RORA: variants seen among roughly 807,000 people sequenced by gnomAD.
RORA encodes nuclear receptor ROR-alpha.
RORA carries 7 observed loss-of-function variants against 69.5 expected under a neutral mutation model. The observed-to-expected ratio is 0.10, with a 90% confidence interval of 0.06 to 0.19. The LOEUF (loss-of-function observed/expected upper bound fraction) is 0.19. Among genes scored for constraint, RORA ranks in the 10% least tolerant of loss-of-function variants. The pLI is 1.00. For synonymous variants in RORA, 261 were observed against 240.8 expected (o/e 1.08, Z -0.78); for missense variants, 457 against 663.0 (o/e 0.69, Z 3.41).
intron 1 of RORA, among the ~76,000 whole-genome samples, chr15:61,075,872 T>C (rs1595953953): frequency 6.6e-6 from 1 of 152,226 alleles, no homozygotes; most frequent in East Asian, 1.9e-4. Context: ...AACTGTCCCA[T>C]ATCACACCCT....
rs1417352897 is a variant in RORA at position 60,495,040 on chromosome 15, A to G, written c.*2415T>C. The G allele has an allele frequency of 6.6e-6, 1 of 152,220 alleles. No individual in the cohort carries two copies. The highest frequency in any genetic ancestry group is 1.5e-5 in the Non-Finnish European group (1 of 68,040). 9.4% of individuals were successfully genotyped at this position (152,220 alleles called of 1,614,324 possible). On this transcript the variant is annotated 3_prime_UTR_variant, in exon 11 of 11. Coordinates refer to ENST00000335670, the MANE Select transcript of RORA (RefSeq NM_134261.3). The stretch of plus-strand genomic sequence containing the variant: ...GCTTTGGTTAAAAAGAAGTTAATAT[A>G]CTTTAATAAAACCATCCCCAAATTT...
At chr15:60,618,598 C>A (rs2069318227) in intron 2 of RORA, among the ~76,000 whole-genome samples, 1 of 152,098 alleles carries the variant, frequency 6.6e-6, no homozygotes, top group South Asian at 2.1e-4. Context: ...TATTTATTCT[C>A]CAGGAGCTTT....
chr15:60,504,312 C>G (rs971170939), intron 6 of RORA, among the ~76,000 whole-genome samples: 2 of 151,416 alleles, frequency 1.3e-5, no homozygotes, highest in African/African-American at 4.9e-5. Context: ...TTTGGGAGGC[C>G]GAGGCAGGGG....
At chr15:60,935,399 T>C (rs1042073276) in intron 1 of RORA, among the ~76,000 whole-genome samples, 22 of 152,226 alleles carry the variant, frequency 1.4e-4, no homozygotes, top group African/African-American at 5.1e-4. Context: ...AAATGGACTG[T>C]TCAAACCCAC....
intron 2 of RORA, among the ~76,000 whole-genome samples, chr15:60,632,953 G>C (rs992435012): frequency 1.6e-4 from 25 of 151,792 alleles, no homozygotes; most frequent in African/African-American, 6.1e-4. Flanking sequence ...ATCAAAAAAG[G>C]GTGTTTAAAA....
At chr15:60,789,188 G>C (rs996191392) in intron 1 of RORA, among the ~76,000 whole-genome samples, 4 of 152,178 alleles carry the variant, frequency 2.6e-5, no homozygotes, top group Admixed American at 6.5e-5. Flanking sequence ...AAACAGAGGA[G>C]CCAGCTGAGG....
At chr15:60,679,002 T>C (rs1212930193) in intron 1 of RORA, among the ~76,000 whole-genome samples, 1 of 152,120 alleles carries the variant, frequency 6.6e-6, no homozygotes, top group African/African-American at 2.4e-5. Context: ...GAGACAATCA[T>C]GTTTATAGGC....
chr15:60,983,273 T>C (rs748645654), intron 1 of RORA, among the ~76,000 whole-genome samples: 2 of 152,186 alleles, frequency 1.3e-5, no homozygotes, highest in African/African-American at 2.4e-5. Flanking sequence ...ACTAACAAAA[T>C]AGACTCTTTG....
rs117282423 is a variant in RORA, at chr15:60,940,680, C to G, written c.167-261994G>C. Among the ~76,000 whole-genome samples, 572 of 152,290 alleles carry G rather than the reference C, an allele frequency of 3.8e-3. 5 individuals are homozygous for G. Among genetic ancestry groups the G allele is most frequent in the Non-Finnish European group, 5.9e-3 (402 of 68,018 alleles). ...TATTGTAGTCAGCCTGTAATCCCAG[C>G]AGTTTGGGAGTCCGAGGCAGGTGGA... On this transcript the variant is annotated intron_variant, in intron 1 of 10. Transcript: ENST00000335670.
intron 2 of RORA, among the ~76,000 whole-genome samples, chr15:60,542,671 C>G (rs2066926846): frequency 1.4e-5 from 2 of 144,670 alleles, no homozygotes; most frequent in South Asian, 2.1e-4. Context: ...ACACACATGG[C>G]ACACGGGCAC....
chr15:61,097,090 T>C (rs972867599), intron 1 of RORA, among the ~76,000 whole-genome samples: 3 of 152,044 alleles, frequency 2.0e-5, no homozygotes, highest in Non-Finnish European at 4.4e-5. Flanking sequence ...ATGTGAGAAG[T>C]ACTACAAAGA....
chr15:60,814,989 A>G (rs1300542302), intron 1 of RORA, among the ~76,000 whole-genome samples: 1 of 152,184 alleles, frequency 6.6e-6, no homozygotes, highest in East Asian at 1.9e-4. Flanking sequence ...TCCATGTTCA[A>G]AAGTAGGACA....
chr15:60,705,155 A>G (rs139360732), intron 1 of RORA, among the ~76,000 whole-genome samples: 47 of 151,840 alleles, frequency 3.1e-4, no homozygotes, highest in African/African-American at 1.1e-3. Context: ...AAAAGTGAGC[A>G]GTTCCCTACC....
At position 61,066,227 on chromosome 15, in the gene RORA, T is replaced by C. The variant is rs59903472; in HGVS notation, c.166+162826A>G. Among the ~76,000 whole-genome samples, 1,276 of 152,228 alleles carry C rather than the reference T, an allele frequency of 8.4e-3. 19 individuals are homozygous for C. The highest frequency in any genetic ancestry group is 0.029 in the African/African-American group (1,196 of 41,528). ...ATGATTCCATGGTGGTAGACAGGCA[T>C]TGTGGAACCAGAAAGGAACATGACT... On this transcript the variant is annotated intron_variant, in intron 1 of 10. Transcript: ENST00000335670.
chr15:60,851,478 A>C (rs1311896651), intron 1 of RORA, among the ~76,000 whole-genome samples: 1 of 152,166 alleles, frequency 6.6e-6, no homozygotes, highest in Non-Finnish European at 1.5e-5. Flanking sequence ...GTGAGGTCCC[A>C]GGGTGCTGGG....
intron 1 of RORA, among the ~76,000 whole-genome samples, chr15:60,966,412 G>A (rs1053796020): frequency 3.9e-5 from 6 of 152,076 alleles, no homozygotes; most frequent in East Asian, 3.9e-4. Context: ...CAGCTGGCTC[G>A]CACATTCCAC....
intron 1 of RORA, among the ~76,000 whole-genome samples, chr15:61,124,522 T>C (rs565900700): frequency 4.5e-4 from 69 of 152,372 alleles, no homozygotes; most frequent in African/African-American, 1.6e-3. Flanking sequence ...GGAACATGGC[T>C]TTCTAGCCAG....
intron 2 of RORA, among the ~76,000 whole-genome samples, chr15:60,557,655 G>T (rs1203107696): frequency 6.6e-6 from 1 of 152,162 alleles, no homozygotes; most frequent in East Asian, 1.9e-4. Context: ...GAAACATTCT[G>T]CAAACTGGAA....
At chr15:60,801,284 G>A (rs566010197) in intron 1 of RORA, among the ~76,000 whole-genome samples, 117 of 152,160 alleles carry the variant, frequency 7.7e-4, no homozygotes, top group African/African-American at 2.6e-3. Context: ...CCCCTCCTTC[G>A]ACAGCTTTAT....
Sources: allele counts gnomAD v4.1 joint callset (sites outside exome capture counted in the v4.1 genomes callset), GRCh38; gene constraint gnomAD v4.1.1; transcripts MANE v1.5; gene names NCBI Gene and HGNC (gene_info 2026-07-23, HGNC 2026-07-21).